Variants in DENND4C observed in about 807,000 individuals in gnomAD.
DENND4C encodes DENN domain-containing protein 4C.
A neutral mutation model predicts 203.0 loss-of-function variants in DENND4C; 108 were observed. That is an observed-to-expected ratio of 0.53 (90% CI 0.46 to 0.62). DENND4C has a LOEUF of 0.62. Among genes scored for constraint, DENND4C ranks in the 20% least tolerant of loss-of-function variants. The pLI is 0.00. For synonymous variants in DENND4C, 871 were observed against 792.4 expected (o/e 1.10, Z -1.67); for missense variants, 2,481 against 2,301.2 (o/e 1.08, Z -1.60).
At chr9:19,286,313 A>G (rs1835203513) in intron 2 of DENND4C, among the ~76,000 whole-genome samples, 1 of 152,104 alleles carries the variant, frequency 6.6e-6, no homozygotes, top group Non-Finnish European at 1.5e-5. Context: ...TTATTTATTC[A>G]GCTCTTTAAT....
intron 12 of DENND4C, among the ~76,000 whole-genome samples, chr9:19,321,299 A>AT (rs769534759): frequency 4.5e-4 from 69 of 152,258 alleles, no homozygotes; most frequent in Non-Finnish European, 6.3e-4. Context: ...TAGAAGAGTG[A>AT]TTTTTTTAGG....
At chr9:19,304,432 C>A (rs568611690) in intron 9 of DENND4C, among the ~76,000 whole-genome samples, 2 of 152,236 alleles carry the variant, frequency 1.3e-5, no homozygotes, top group South Asian at 4.1e-4. Context: ...GATCCACTCA[C>A]CTCAGCCTCC....
chr9:19,275,779 A>G (rs1163438109), intron 1 of DENND4C, among the ~76,000 whole-genome samples: 1 of 151,904 alleles, frequency 6.6e-6, no homozygotes, highest in Admixed American at 6.6e-5. Flanking sequence ...CCTAATATTT[A>G]TATTTTTAGT....
At chr9:19,245,521 C>T (rs1824975483) in intron 1 of DENND4C, among the ~76,000 whole-genome samples, 1 of 148,892 alleles carries the variant, frequency 6.7e-6, no homozygotes, top group Admixed American at 6.7e-5. Context: ...GACGGAGAAC[C>T]ATTACCCTAG....
chr9:19,243,717 A>G (rs1421392500), intron 1 of DENND4C, among the ~76,000 whole-genome samples: 1 of 152,136 alleles, frequency 6.6e-6, no homozygotes, highest in Admixed American at 6.6e-5. Context: ...TTCTATAGAA[A>G]CACCACATTT....
At chr9:19,296,364 CTTTT>C (rs749134604) in intron 6 of DENND4C, 118 bp downstream of exon 6, 373 of 479,072 alleles carry the variant, frequency 7.8e-4, no homozygotes, top group Admixed American at 1.1e-3. Flanking sequence ...TTTAACTGAA[CTTTT>C]TTTTTTTTTT....
At chr9:19,319,608 T>C (rs1159557797) in intron 12 of DENND4C, among the ~76,000 whole-genome samples, 3 of 151,604 alleles carry the variant, frequency 2.0e-5, no homozygotes, top group Non-Finnish European at 4.4e-5. Context: ...TGGGTAATTA[T>C]AAATGCCAGA....
Position 19,358,019 on chromosome 9 carries a change from G to C in DENND4C, c.5019G>C (p.Val1673=). ...TCCAAACTATGAAAATTTCATCTGT[G>C]CCTAATAGTTTATCAAAGCGAAATG... ...GDVQTMKISS[V]PNSLSKRNVS... The change falls in exon 28 of 33, where the codon GTG becomes GTC. Residue 1673 remains valine, a synonymous_variant. Transcript: ENST00000434457. The surrounding 1 kb of genome is among the most constrained non-coding windows in gnomAD (Gnocchi z 4.8). 1 of 1,613,712 alleles carries C rather than the reference G, an allele frequency of 6.2e-7. No individual in the cohort carries two copies. The highest frequency in any genetic ancestry group is 1.1e-5 in the South Asian group (1 of 91,042).
At position 19,332,018 on chromosome 9, in the gene DENND4C, C is replaced by A. The variant is rs149338801; in HGVS notation, c.2294C>A (p.Thr765Lys). Residue 765 changes from threonine (T) to lysine (K), a missense_variant, in exon 17 of 33, where the codon ACA (threonine) becomes AAA (lysine). Thr to Lys is a moderately conservative substitution (Grantham distance 78). This residue lies in a region of DENND4C where 2,289 missense variants were observed against 2,113.3 expected (regional missense o/e 1.08). Coordinates refer to ENST00000434457, the MANE Select transcript of DENND4C (RefSeq NM_001330640.2). ...CATAAATTGGCGAAGAGATGTTATA[C>A]AAATCCACCACAGTGGGCCAAGTGT... ...TAHKLAKRCYTNPPQWAKCLF... is the reference protein window; with the variant it reads ...TAHKLAKRCYKNPPQWAKCLF... 1.2e-5 allele frequency: 20 copies of A among 1,613,852 alleles called. No homozygotes were observed. Among genetic ancestry groups the A allele is most frequent in the Admixed American group, 1.7e-5 (1 of 59,994 alleles).
intron 17 of DENND4C, 150 bp from the exon 18 acceptor site, chr9:19,334,827 G>A: frequency 4.1e-6 from 3 of 740,482 alleles, no homozygotes; most frequent in Non-Finnish European, 4.1e-6. Context: ...AGCCTGAATA[G>A]GTCTTAAAAA....
At chr9:19,260,549 C>T (rs188212875) in intron 1 of DENND4C, among the ~76,000 whole-genome samples, 56 of 152,156 alleles carry the variant, frequency 3.7e-4, no homozygotes, top group Non-Finnish European at 6.5e-4. Context: ...AGGTGTGTGC[C>T]ATCACACCCG....
chr9:19,232,355 T>C (rs1329690663), intron 1 of DENND4C, among the ~76,000 whole-genome samples: 5 of 152,148 alleles, frequency 3.3e-5, no homozygotes, highest in Non-Finnish European at 7.3e-5. Context: ...TGCAAAATAG[T>C]TTATTGAGAT....
At chr9:19,314,726 A>G (rs1306680521) in intron 10 of DENND4C, among the ~76,000 whole-genome samples, 3 of 152,184 alleles carry the variant, frequency 2.0e-5, no homozygotes, top group Non-Finnish European at 4.4e-5. Context: ...AAATCATTTC[A>G]TTAATAAAGG....
intron 10 of DENND4C, among the ~76,000 whole-genome samples, chr9:19,309,949 G>A (rs1840423703): frequency 6.6e-6 from 1 of 151,920 alleles, no homozygotes; most frequent in African/African-American, 2.4e-5. Flanking sequence ...TCACTTCATT[G>A]GTCTTTTCAG....
At chr9:19,315,454 A>G (rs1841624463) in intron 10 of DENND4C, among the ~76,000 whole-genome samples, 1 of 151,160 alleles carries the variant, frequency 6.6e-6, no homozygotes, top group African/African-American at 2.4e-5. Context: ...CTTTTTAGGC[A>G]GTTGTCTGCT....
chr9:19,356,800 A>T (rs1228925345), intron 26 of DENND4C, among the ~76,000 whole-genome samples, 172 bp from the exon 27 acceptor site: 1 of 151,336 alleles, frequency 6.6e-6, no homozygotes, highest in Non-Finnish European at 1.5e-5. Flanking sequence ...AGAGAGAGAG[A>T]GAGAGAGAGA....
At chr9:19,287,785 T>A (rs545800001) in intron 3 of DENND4C, among the ~76,000 whole-genome samples, 71 of 151,958 alleles carry the variant, frequency 4.7e-4, no homozygotes, top group African/African-American at 1.7e-3. Context: ...CAGGCTGGAG[T>A]GCAGTGGCGT....
chr9:19,351,110 AG>A (rs1476734240), intron 24 of DENND4C, among the ~76,000 whole-genome samples: 1 of 152,004 alleles, frequency 6.6e-6, no homozygotes, highest in African/African-American at 2.4e-5. Context: ...CCGCTCAATA[AG>A]CCCCATTTGT....
At chr9:19,354,549 C>CTTTTTTTT (rs66823332) in intron 26 of DENND4C, among the ~76,000 whole-genome samples, 1 of 87,294 alleles carries the variant, frequency 1.1e-5, no homozygotes, top group African/African-American at 4.6e-5. Context: ...TTATTCTAGC[C>CTTTTTTTT]TTTTTTTTTT....
Sources: allele counts gnomAD v4.1 joint callset (sites outside exome capture counted in the v4.1 genomes callset), GRCh38; gene constraint gnomAD v4.1.1; regional missense constraint gnomAD v4.1.1; non-coding constraint Gnocchi (gnomAD v3.1); transcripts MANE v1.5; gene names NCBI Gene and HGNC (gene_info 2026-07-23, HGNC 2026-07-21).